Variants in DDX42 observed in about 807,000 individuals in gnomAD.
DDX42 encodes the protein ATP-dependent RNA helicase DDX42.
A neutral mutation model predicts 101.5 loss-of-function variants in DDX42; 22 were observed. The observed-to-expected ratio is 0.22, with a 90% CI of 0.15 to 0.31. DDX42 has a LOEUF of 0.31. Ranked by LOEUF, DDX42 falls within the 10% of genes least tolerant of loss-of-function variation. The probability of loss-of-function intolerance (pLI) is 1.00; values close to 1 mark genes in which losing one functional copy is unlikely to be tolerated. For missense variants in DDX42, 849 were observed against 1,199.9 expected, an observed-to-expected ratio of 0.71 and a Z score of 4.32; for synonymous variants, 402 against 401.2, an observed-to-expected ratio of 1.00 and a Z score of -0.02.
chr17:63,800,371 CTG>C, intron 5 of DDX42, 95 bp from the exon 6 acceptor site: 3 of 1,171,504 alleles, frequency 2.6e-6, no homozygotes, highest in Non-Finnish European at 3.6e-6. Flanking sequence ...GGTATGTTAA[CTG>C]TGCAATTATC....
In DDX42 at chr17:63,800,554, C is replaced by T. The variant is rs149577156; in HGVS notation, c.558C>T (p.Asp186=). The T allele has an allele frequency of 1.0e-3, 1,615 of 1,613,968 alleles. 20 individuals carry two copies. The African/African-American group carries it at 0.019, about 19-fold the overall frequency. Residue 186 remains aspartate, a synonymous_variant, in exon 6 of 18, where the codon GAC becomes GAT. Transcript: ENST00000389924. ...EEEDNLEYDS[D]GNPIAPTKKI... The stretch of plus-strand genomic sequence containing the variant: ...AAGACAATCTAGAATATGATAGTGA[C>T]GGAAATCCAATTGCACCTACCAAAA...
At chr17:63,792,620 T>C in intron 3 of DDX42, 58 bp downstream of exon 3, 1 of 1,507,110 alleles carries the variant, frequency 6.6e-7, no homozygotes, top group Non-Finnish European at 8.9e-7. Flanking sequence ...TCAAGTTAAC[T>C]TAGTACTTCA....
rs1157231241 is a variant in DDX42, at chr17:63,813,245, C to G, written c.1693C>G (p.Pro565Ala). 1 of 1,606,718 alleles carries G rather than the reference C, an allele frequency of 6.2e-7. No individual in the cohort carries two copies. The highest frequency in any genetic ancestry group is 8.5e-7 in the Non-Finnish European group (1 of 1,173,986). Residue 565 changes from proline to alanine, a missense_variant, in exon 15 of 18, where the codon CCT becomes GCT. This residue lies in a region of DDX42 where 370 missense variants were observed against 608.8 expected (regional missense o/e 0.61). Transcript: ENST00000389924. ...TATTTCAGCCCGTGGTCTGGACATT[C>G]CTTCAATTAAGACTGTCATTAACTA... ...TDVAARGLDI[P>A]SIKTVINYDV...
chr17:63,814,140 C>G (rs1430440276), intron 15 of DDX42, among the ~76,000 whole-genome samples: 1 of 152,164 alleles, frequency 6.6e-6, no homozygotes, highest in Non-Finnish European at 1.5e-5. Flanking sequence ...GCCACCGTGC[C>G]CAGCCTGTAT....
chr17:63,803,567 CAAAAAA>C (rs1165590235), intron 6 of DDX42, among the ~76,000 whole-genome samples: 2 of 44,246 alleles, frequency 4.5e-5, no homozygotes, highest in Admixed American at 2.2e-4. Flanking sequence ...GACTCCATCT[CAAAAAA>C]AAAAAAAAAA....
At chr17:63,782,455 T>C (rs2039500243) in intron 1 of DDX42, among the ~76,000 whole-genome samples, 1 of 152,158 alleles carries the variant, frequency 6.6e-6, no homozygotes, top group Non-Finnish European at 1.5e-5. Context: ...CTCTCATAGA[T>C]ACTGAACTCA....
chr17:63,811,361 A>G (rs184886182), intron 13 of DDX42, 188 bp downstream of exon 13: 87 of 493,656 alleles, frequency 1.8e-4, no homozygotes, highest in African/African-American at 1.5e-3. Flanking sequence ...GTTGGGAATC[A>G]TTGAAGCTAG....
intron 2 of DDX42, among the ~76,000 whole-genome samples, chr17:63,787,913 T>TTC (rs1555571602): frequency 7.5e-6 from 1 of 134,088 alleles, no homozygotes; most frequent in East Asian, 2.0e-4. Flanking sequence ...TGGTTTTTTT[T>TTC]TTTTTTTTTG....
chr17:63,775,154 C>G (rs2039403940), intron 1 of DDX42: 1 of 152,600 alleles, frequency 6.6e-6, no homozygotes, highest in Admixed American at 6.5e-5. Context: ...TTTGCAGAGC[C>G]AAGCTCATTT....
chr17:63,775,849 TAA>T (rs897179002), intron 1 of DDX42, among the ~76,000 whole-genome samples: 8 of 152,316 alleles, frequency 5.3e-5, no homozygotes, highest in African/African-American at 1.2e-4. Flanking sequence ...CAATTTAATA[TAA>T]GAGAGGAGTG....
At chr17:63,813,123 T>C (rs373021043) in intron 14 of DDX42, 105 bp from the exon 15 acceptor site, 1 of 1,050,222 alleles carries the variant, frequency 9.5e-7, no homozygotes. Context: ...CCATGCGCTT[T>C]GCCTAGATAA....
intron 1 of DDX42, among the ~76,000 whole-genome samples, chr17:63,782,149 G>T (rs571726321): frequency 6.6e-6 from 1 of 152,088 alleles, no homozygotes; most frequent in Non-Finnish European, 1.5e-5. Flanking sequence ...ACGGTGGTGC[G>T]TGCTTGTAAT....
intron 6 of DDX42, 95 bp from the exon 7 acceptor site, chr17:63,804,976 T>A (rs963373586): frequency 6.9e-6 from 10 of 1,446,914 alleles, no homozygotes; most frequent in Non-Finnish European, 7.4e-6. Context: ...TGGCTTTACT[T>A]GTGTAAAATT....
Position 63,792,299 on chromosome 17 carries a change from C to T in DDX42, c.222-113C>T, listed in dbSNP as rs1476208857. 4.3e-6 allele frequency: 5 copies of T among 1,160,440 alleles called. No individual in the cohort carries two copies. The East Asian group carries it at 1.3e-4, about 29-fold the overall frequency. The allele number at this position is 1,160,440 out of a possible 1,614,324, so 71.9% of individuals were successfully genotyped here. A position where few individuals can be genotyped will look rare whatever the true frequency, so the allele number is the denominator to read the frequency against. ...AAGCCTTGGAGGTCTCTAATTTGATCTGCATTACATCTCCTAATAATAAGA... is the reference window on the plus strand; with the variant it reads ...AAGCCTTGGAGGTCTCTAATTTGATTTGCATTACATCTCCTAATAATAAGA... On this transcript the variant is annotated intron_variant, in intron 2 of 17. Coordinates refer to ENST00000389924, the MANE Select transcript of DDX42 (RefSeq NM_203499.3).
At chr17:63,792,235 C>T (rs1057087936) in intron 2 of DDX42, among the ~76,000 whole-genome samples, 177 bp from the exon 3 acceptor site, 2 of 152,062 alleles carry the variant, frequency 1.3e-5, no homozygotes, top group African/African-American at 4.8e-5. Flanking sequence ...TGAAATTTTG[C>T]ATGTATTAAG....
Position 63,818,773 on chromosome 17 carries a change from T to G in DDX42, c.*375T>G, listed in dbSNP as rs997464519. The G allele has an allele frequency of 1.5e-4, 25 of 167,690 alleles. No homozygotes were observed. Among genetic ancestry groups the G allele is most frequent in the African/African-American group, 5.8e-4 (24 of 41,708 alleles). 10.4% of individuals were successfully genotyped at this position (167,690 alleles called of 1,614,324 possible). A position where few individuals can be genotyped will look rare whatever the true frequency, so the allele number is the denominator to read the frequency against. On this transcript the variant is annotated 3_prime_UTR_variant, in exon 18 of 18. Transcript: ENST00000389924. ...ATAAGCATCTATAAATTGACTTCTT[T>G]TTCTTAGTTGTATGGCCAGGCAGTC...
intron 2 of DDX42, among the ~76,000 whole-genome samples, chr17:63,790,759 C>G (rs1348314694): frequency 6.6e-6 from 1 of 151,402 alleles, no homozygotes; most frequent in Non-Finnish European, 1.5e-5. Flanking sequence ...GACTCCATCT[C>G]AAAAACAAAA....
At chr17:63,797,352 C>CAAAAAAAAA (rs59892636) in intron 3 of DDX42, among the ~76,000 whole-genome samples, 2 of 100,044 alleles carry the variant, frequency 2.0e-5, no homozygotes, top group African/African-American at 3.7e-5. Context: ...AACTCCATCT[C>CAAAAAAAAA]AAAAAAAAAA....
upstream of DDX42, chr17:63,773,874 C>G (rs180814808): frequency 6.5e-6 from 1 of 154,976 alleles, no homozygotes; most frequent in African/African-American, 2.4e-5. Context: ...AAGAGTGTCG[C>G]TCTAGTAGTA....
Sources: allele counts gnomAD v4.1 joint callset (sites outside exome capture counted in the v4.1 genomes callset), GRCh38; gene constraint gnomAD v4.1.1; regional missense constraint gnomAD v4.1.1; transcripts MANE v1.5; gene names NCBI Gene and HGNC (gene_info 2026-07-23, HGNC 2026-07-21).